DMD: variants seen among roughly 807,000 people sequenced by gnomAD.
DMD encodes mutant dystrophin.
A neutral mutation model predicts 330.1 loss-of-function variants in DMD; 63 were observed. The observed-to-expected ratio is 0.19, with a 90% confidence interval of 0.16 to 0.24. The LOEUF (loss-of-function observed/expected upper bound fraction) is 0.24. Among genes scored for constraint, DMD ranks in the 10% least tolerant of loss-of-function variants. DMD has a pLI of 1.00. For synonymous variants in DMD, 1,223 were observed against 959.8 expected, an observed-to-expected ratio of 1.27 and a Z score of -5.07; for missense variants, 3,344 against 2,684.1, an observed-to-expected ratio of 1.25 and a Z score of -5.43.
chrX:32,802,105 G>A (rs1198985988), intron 7 of DMD, among the ~76,000 whole-genome samples: 2 of 111,657 alleles, frequency 1.8e-5, no homozygotes, highest in Non-Finnish European at 3.8e-5. Context: ...CGGGCAGTAT[G>A]GCCATTTTCA....
chrX:32,866,754 G>A (rs1569536594), intron 2 of DMD, among the ~76,000 whole-genome samples: 1 of 75,508 alleles, frequency 1.3e-5, no homozygotes, highest in Non-Finnish European at 2.4e-5. Flanking sequence ...GGGGGGGGGG[G>A]ACAGAGTTTC....
At chrX:31,421,989 A>G (rs2063441945) in intron 60 of DMD, among the ~76,000 whole-genome samples, 1 of 72,518 alleles carries the variant, frequency 1.4e-5, no homozygotes, top group Non-Finnish European at 2.3e-5. Context: ...ATATATATGT[A>G]TATATACACA....
At chrX:32,586,738 T>C (rs142807194) in intron 13 of DMD, among the ~76,000 whole-genome samples, 1 of 110,835 alleles carries the variant, frequency 9.0e-6, no homozygotes, top group South Asian at 3.8e-4. Context: ...TCAGGTTGAG[T>C]TGTCACACAT....
rs748089265 is a variant in DMD, at chrX:33,234,186, TA to T, written c.7+105072del. Among the ~76,000 whole-genome samples, 11 of 111,695 alleles carry T rather than the reference TA, an allele frequency of 9.8e-5. 1 individual carries two copies. Among genetic ancestry groups the T allele is most frequent in the Non-Finnish European group, 2.1e-4 (11 of 53,181 alleles). On this transcript the variant is annotated intron_variant, in intron 1 of 17. Coordinates refer to the DMD transcript ENST00000288447. The stretch of plus-strand genomic sequence containing the variant: ...AACCACCATAACAGATATCCTAAAT[TA>T]TTTTTTTATTTTTAATTTTTGTGAG...
At chrX:31,554,371 A>G (rs779974548) in intron 55 of DMD, among the ~76,000 whole-genome samples, 1 of 111,660 alleles carries the variant, frequency 9.0e-6, no homozygotes, top group East Asian at 2.8e-4. Flanking sequence ...GCTAATGATC[A>G]TTAGCGTCAT....
intron 63 of DMD, among the ~76,000 whole-genome samples, chrX:31,235,496 G>C (rs1199206374): frequency 1.8e-5 from 2 of 112,322 alleles, no homozygotes; most frequent in African/African-American, 6.5e-5. Flanking sequence ...AGGGAAAAAA[G>C]ATGAGAAAAA....
chrX:31,810,764 T>C (rs2092436020), intron 50 of DMD, among the ~76,000 whole-genome samples: 1 of 112,059 alleles, frequency 8.9e-6, no homozygotes, highest in Non-Finnish European at 1.9e-5. Flanking sequence ...TTTTAGGAAA[T>C]ATTAGGAATA....
chrX:33,288,480 T>C (rs1006104198), intron 1 of DMD, among the ~76,000 whole-genome samples: 2 of 111,614 alleles, frequency 1.8e-5, no homozygotes, highest in African/African-American at 6.5e-5. Context: ...GCCCTCTCTA[T>C]ATTCTTCTCA....
At chrX:31,662,358 T>C in intron 53 of DMD, among the ~76,000 whole-genome samples, 1 of 111,444 alleles carries the variant, frequency 9.0e-6, no homozygotes, top group Non-Finnish European at 1.9e-5. Flanking sequence ...TGAGTCAAAC[T>C]ATATTCCCCA....
intron 55 of DMD, among the ~76,000 whole-genome samples, chrX:31,592,242 A>C (rs985149795): frequency 9.2e-6 from 1 of 108,422 alleles, no homozygotes; most frequent in East Asian, 2.9e-4. Flanking sequence ...ATATTGCCAA[A>C]TATTAGGTAT....
At chrX:31,706,606 T>C (rs2084215021) in intron 52 of DMD, among the ~76,000 whole-genome samples, 1 of 111,459 alleles carries the variant, frequency 9.0e-6, no homozygotes, top group African/African-American at 3.3e-5. Context: ...CCACGGTCCA[T>C]TTGAAAGCAC....
chrX:32,403,778 T>C (rs1353868458), intron 30 of DMD, among the ~76,000 whole-genome samples: 1 of 112,125 alleles, frequency 8.9e-6, no homozygotes, highest in African/African-American at 3.2e-5. Context: ...AAATAAAAAG[T>C]CTACATCTAT....
At chrX:31,249,068 TTA>T (rs755403045) in intron 63 of DMD, among the ~76,000 whole-genome samples, 1 of 111,976 alleles carries the variant, frequency 8.9e-6, no homozygotes, top group South Asian at 3.8e-4. Context: ...ACTAGAGGGT[TTA>T]TGTTTTCTGA....
chrX:33,320,898 CAAGA>C (rs1211019084), intron 1 of DMD, among the ~76,000 whole-genome samples: 1 of 112,106 alleles, frequency 8.9e-6, no homozygotes, highest in Non-Finnish European at 1.9e-5. Flanking sequence ...AATTTTATCT[CAAGA>C]AAGCACTTTC....
intron 34 of DMD, among the ~76,000 whole-genome samples, chrX:32,368,732 A>G (rs1308538819): frequency 2.7e-5 from 3 of 111,364 alleles, no homozygotes; most frequent in Non-Finnish European, 3.8e-5. Flanking sequence ...AAGATATGGC[A>G]TTTCCTCCTT....
intron 2 of DMD, among the ~76,000 whole-genome samples, chrX:32,997,940 C>G (rs770638845): frequency 8.9e-6 from 1 of 112,143 alleles, no homozygotes; most frequent in Non-Finnish European, 1.9e-5. Context: ...ACGTATTGTT[C>G]TTTGTCAGAG....
intron 43 of DMD, among the ~76,000 whole-genome samples, chrX:32,263,481 A>G (rs1252455404): frequency 8.9e-6 from 1 of 112,686 alleles, no homozygotes; most frequent in Non-Finnish European, 1.9e-5. Context: ...GTTACTATCA[A>G]GAACTTGGCA....
chrX:31,489,556 A>G (rs1162497990), intron 57 of DMD, among the ~76,000 whole-genome samples: 1 of 112,111 alleles, frequency 8.9e-6, no homozygotes, highest in Non-Finnish European at 1.9e-5. Flanking sequence ...TTCATATATT[A>G]ATTTATGGGT....
chrX:32,555,271 T>G (rs1374358531), intron 16 of DMD, among the ~76,000 whole-genome samples: 1 of 111,230 alleles, frequency 9.0e-6, no homozygotes. Context: ...TTAAAAATTC[T>G]CAATAAACTA....
Sources: gnomAD v4.1 joint callset for allele counts (sites outside exome capture counted in the v4.1 genomes callset) on GRCh38, gnomAD v4.1.1 for gene constraint, MANE v1.5 for transcripts, NCBI Gene and HGNC (gene_info 2026-07-23, HGNC 2026-07-21) for gene names.